The following CSMD1 variants were observed in gnomAD, a reference collection of about 807,000 sequenced individuals.
CSMD1 encodes the protein CUB and Sushi multiple domains 1.
CSMD1 carries 213 observed loss-of-function variants against 417.5 expected under a neutral mutation model. The ratio of observed to expected loss-of-function variants is 0.51; its 90% confidence interval spans 0.46 to 0.57. The LOEUF (loss-of-function observed/expected upper bound fraction) is 0.57. Among genes scored for constraint, CSMD1 ranks in the 20% least tolerant of loss-of-function variants. CSMD1 has a pLI of 0.00. For missense variants in CSMD1, 6,923 were observed against 4,529.7 expected, an observed-to-expected ratio of 1.53 and a Z score of -15.17; for synonymous variants, 2,862 against 1,736.8, an observed-to-expected ratio of 1.65 and a Z score of -16.11.
intron 26 of CSMD1, among the ~76,000 whole-genome samples, chr8:3,266,206 G>A (rs943060262): frequency 2.0e-5 from 3 of 150,854 alleles, no homozygotes; most frequent in Non-Finnish European, 4.4e-5. Flanking sequence ...AGGCAAAATA[G>A]TGGCCAGGGA....
intron 10 of CSMD1, among the ~76,000 whole-genome samples, chr8:3,523,885 GCA>G (rs577069967): frequency 2.4e-3 from 290 of 120,978 alleles, no homozygotes; most frequent in African/African-American, 7.6e-3. Context: ...GCACACACAT[GCA>G]CAGAGACATA....
chr8:4,029,364 C>T (rs537871129), intron 4 of CSMD1, among the ~76,000 whole-genome samples: 9 of 152,164 alleles, frequency 5.9e-5, no homozygotes, highest in Non-Finnish European at 1.0e-4. Flanking sequence ...GATGGACATA[C>T]AGTTCTATAT....
In CSMD1 at chr8:4,478,432, G is replaced by C. The variant is rs17070378; in HGVS notation, c.303-58367C>G. Among the ~76,000 whole-genome samples, 1,018 of 152,210 alleles carry C rather than the reference G, an allele frequency of 6.7e-3. 8 individuals are homozygous for C. Among genetic ancestry groups the C allele is most frequent in the African/African-American group, 0.023 (969 of 41,538 alleles). ...GTAAAGTTATATATCTTGTCAGTAA[G>C]TCACAAATGCCTTTAGATAAAAATT... On this transcript the variant is annotated intron_variant, in intron 2 of 69. Coordinates refer to ENST00000635120, the MANE Select transcript of CSMD1 (RefSeq NM_033225.6).
At chr8:3,237,008 G>C (rs73660623) in intron 26 of CSMD1, among the ~76,000 whole-genome samples, 10,419 of 152,102 alleles carry the variant, frequency 0.069, 438 homozygotes, top group East Asian at 0.19. Context: ...AGCCATGCCA[G>C]TCAGCTTGAG....
At chr8:4,106,331 C>T (rs565438920) in intron 3 of CSMD1, among the ~76,000 whole-genome samples, 2 of 152,242 alleles carry the variant, frequency 1.3e-5, no homozygotes, top group East Asian at 1.9e-4. Context: ...AAGGAAGTAT[C>T]CACAATACCT....
At chr8:4,458,945 T>G (rs1287903988) in intron 2 of CSMD1, among the ~76,000 whole-genome samples, 1 of 152,212 alleles carries the variant, frequency 6.6e-6, no homozygotes, top group Non-Finnish European at 1.5e-5. Flanking sequence ...ATTAAGCTTG[T>G]AAACCAACGA....
intron 26 of CSMD1, among the ~76,000 whole-genome samples, chr8:3,275,692 C>G (rs1563214431): frequency 6.6e-6 from 1 of 152,208 alleles, no homozygotes; most frequent in Non-Finnish European, 1.5e-5. Flanking sequence ...TCTTCCATCA[C>G]TGATACCATT....
intron 2 of CSMD1, among the ~76,000 whole-genome samples, chr8:4,467,609 A>T (rs117218609): frequency 3.3e-5 from 5 of 152,350 alleles, no homozygotes; most frequent in Non-Finnish European, 5.9e-5. Flanking sequence ...TCAGTGCATT[A>T]TAACAATTCT....
chr8:4,513,009 A>G (rs1802910221), intron 2 of CSMD1, among the ~76,000 whole-genome samples: 1 of 152,178 alleles, frequency 6.6e-6, no homozygotes, highest in South Asian at 2.1e-4. Context: ...GGAGAGAAGG[A>G]TTAATAAGCA....
At chr8:4,818,432 T>C (rs1799328312) in intron 1 of CSMD1, among the ~76,000 whole-genome samples, 1 of 152,188 alleles carries the variant, frequency 6.6e-6, no homozygotes. Flanking sequence ...ACATTCTGAT[T>C]ACAAGAGAGC....
chr8:3,192,652 T>C (rs1390083145), intron 33 of CSMD1, among the ~76,000 whole-genome samples: 2 of 152,208 alleles, frequency 1.3e-5, no homozygotes, highest in African/African-American at 4.8e-5. Flanking sequence ...TTTTATACAA[T>C]ATTTTATATT....
At chr8:3,311,003 C>T (rs187242402) in intron 23 of CSMD1, among the ~76,000 whole-genome samples, 1 of 152,176 alleles carries the variant, frequency 6.6e-6, no homozygotes, top group African/African-American at 2.4e-5. Context: ...AAGATGCCTA[C>T]ACAGGCTGCT....
At chr8:3,795,189 C>A (rs1208455720) in intron 5 of CSMD1, among the ~76,000 whole-genome samples, 4 of 101,714 alleles carry the variant, frequency 3.9e-5, no homozygotes, top group African/African-American at 4.5e-5. Flanking sequence ...CTATAGATAC[C>A]TATCATGTAC....
At chr8:3,887,613 T>C (rs1049246250) in intron 5 of CSMD1, among the ~76,000 whole-genome samples, 2 of 152,204 alleles carry the variant, frequency 1.3e-5, no homozygotes, top group Non-Finnish European at 2.9e-5. Flanking sequence ...CCCCAGGTAA[T>C]TCTAATATAA....
In CSMD1 at chr8:4,149,580, G is replaced by C. The variant is rs77678951; in HGVS notation, c.416-117481C>G. Reference sequence around the variant, plus strand: ...TAAGTACAGATCAAAATCCGAACCAGATTTATGCTAAAAGGGAAATAAACA... The same window carrying C: ...TAAGTACAGATCAAAATCCGAACCACATTTATGCTAAAAGGGAAATAAACA... On this transcript the variant is annotated intron_variant, in intron 3 of 69. Coordinates refer to ENST00000635120, the MANE Select transcript of CSMD1 (RefSeq NM_033225.6). 9.8e-5 allele frequency among the ~76,000 whole-genome samples: 15 copies of C among 152,302 alleles called. No homozygotes were observed. The East Asian group carries it at 2.7e-3, about 27-fold the overall frequency.
intron 26 of CSMD1, among the ~76,000 whole-genome samples, chr8:3,242,876 G>A (rs909606573): frequency 6.6e-6 from 1 of 151,980 alleles, no homozygotes; most frequent in African/African-American, 2.4e-5. Flanking sequence ...GGGGTACAGA[G>A]ATAAGAGGTT....
intron 1 of CSMD1, among the ~76,000 whole-genome samples, chr8:4,860,886 A>C (rs1439246135): frequency 6.6e-6 from 1 of 152,052 alleles, no homozygotes; most frequent in African/African-American, 2.4e-5. Flanking sequence ...CTGCTAGAGA[A>C]ACCTTCCTCT....
chr8:4,595,147 G>C (rs950347687), intron 2 of CSMD1, among the ~76,000 whole-genome samples: 10 of 152,114 alleles, frequency 6.6e-5, no homozygotes, highest in South Asian at 4.2e-4. Flanking sequence ...TCCTCATTTA[G>C]TTTTTCACAG....
intron 2 of CSMD1, among the ~76,000 whole-genome samples, chr8:4,624,708 T>G (rs1801995261): frequency 6.6e-6 from 1 of 152,094 alleles, no homozygotes; most frequent in East Asian, 1.9e-4. Flanking sequence ...AGAATGTATT[T>G]TTCTATGATC....
Sources: gnomAD v4.1 joint callset for allele counts (sites outside exome capture counted in the v4.1 genomes callset) on GRCh38, gnomAD v4.1.1 for gene constraint, MANE v1.5 for transcripts, NCBI Gene and HGNC (gene_info 2026-07-23, HGNC 2026-07-21) for gene names.